Variants in PFAS observed in about 807,000 individuals in gnomAD.
PFAS encodes the protein phosphoribosylformylglycinamidine synthase.
A neutral mutation model predicts 140.6 loss-of-function variants in PFAS; 97 were observed. The ratio of observed to expected loss-of-function variants is 0.69; its 90% CI spans 0.59 to 0.82. The LOEUF (loss-of-function observed/expected upper bound fraction) is 0.82. Among genes scored for constraint, PFAS ranks in the 40% least tolerant of loss-of-function variants. The pLI is 0.00. For missense variants in PFAS, 1,656 were observed against 1,780.2 expected (o/e 0.93, Z 1.26); for synonymous variants, 679 against 718.8 (o/e 0.94, Z 0.88).
intron 1 of PFAS, among the ~76,000 whole-genome samples, chr17:8,253,306 A>G (rs2151575288): frequency 6.6e-6 from 1 of 152,296 alleles, no homozygotes; most frequent in South Asian, 2.1e-4. Flanking sequence ...ACTGGGGCCC[A>G]GCAAAGTGCA....
chr17:8,248,245 AT>A (rs113481309), upstream of PFAS: 41,126 of 434,090 alleles, frequency 0.095, 9 homozygotes, highest in South Asian at 0.15. Context: ...CTTTTCTCTG[AT>A]TTTTTTTTTT....
intron 20 of PFAS, 80 bp downstream of exon 20, chr17:8,265,719 C>T (rs1989786313): frequency 1.4e-6 from 2 of 1,386,656 alleles, no homozygotes; most frequent in South Asian, 1.2e-5. Flanking sequence ...GCTGGGCCCC[C>T]ATCTCAACAC....
At position 8,268,634 on chromosome 17, in the gene PFAS, C is replaced by T; in HGVS notation, c.3484C>T (p.Gln1162Ter). The change falls in exon 27 of 28, where the codon CAA becomes TAA. Residue 1162 changes from glutamine (Q) to a stop codon, truncating the protein, a stop_gained. Transcript: ENST00000314666. LOFTEE classifies it high-confidence loss of function. ...TFSLGVCNGC[Q>*]LLALLGWVGG... is the part of the protein sequence containing the mutation. ...CAGCCTGGGCGTGTGTAATGGCTGT[C>T]AACTGCTGGCTCTGCTCGGCTGGGT... The T allele has an allele frequency of 6.2e-7, 1 of 1,613,816 alleles. No homozygotes were observed. The highest frequency in any genetic ancestry group is 8.5e-7 in the Non-Finnish European group (1 of 1,180,018).
chr17:8,263,010 A>G lies in PFAS; in HGVS notation c.1410+17A>G, dbSNP rs776874591. ...TCTGTGCAGGTGAGTGGGAATTGCTAAAGGTGCAGAATCCTTGATATAACC... is the reference window on the plus strand; with the variant it reads ...TCTGTGCAGGTGAGTGGGAATTGCTGAAGGTGCAGAATCCTTGATATAACC... On this transcript the variant is annotated intron_variant, in intron 12 of 27. Coordinates refer to ENST00000314666, the MANE Select transcript of PFAS (RefSeq NM_012393.3). 2.5e-5 allele frequency: 40 copies of G among 1,612,526 alleles called. No individual in the cohort carries two copies. The highest frequency in any genetic ancestry group is 1.6e-4 in the South Asian group (15 of 91,060).
chr17:8,263,761 C>T lies in PFAS; in HGVS notation c.1630-14C>T, dbSNP rs1324400975. 1.1e-5 allele frequency: 17 copies of T among 1,611,924 alleles called. No homozygotes were observed. The highest frequency in any genetic ancestry group is 9.3e-5 in the African/African-American group (7 of 74,902). On this transcript the variant is annotated splice_polypyrimidine_tract_variant and intron_variant, in intron 14 of 27. Transcript: ENST00000314666. ...CACTGGCCCTTCTCTTTCCTCCCCGCCGTGGCTGTGCAGCTTGGGGACCCA... is the reference window on the plus strand; with the variant it reads ...CACTGGCCCTTCTCTTTCCTCCCCGTCGTGGCTGTGCAGCTTGGGGACCCA...
Position 8,266,002 on chromosome 17 carries a change from C to T in PFAS, c.2686C>T (p.Gln896Ter). 1 of 1,609,038 alleles carries T rather than the reference C, an allele frequency of 6.2e-7. No homozygotes were observed. ...ENLVRAFSIT[Q>*]GLLKDRLLCS... ...CTTGGTGCGGGCCTTCAGCATCACT[C>T]AGGGGCTGCTGAAAGGTGAGTGAAG... Residue 896 changes from glutamine to a stop codon, truncating the protein, a stop_gained, in exon 21 of 28, where the codon CAG becomes TAG. Transcript: ENST00000314666. LOFTEE classifies it high-confidence loss of function. This position sits in a 1 kb window ranked among gnomAD's most constrained non-coding sequence, Gnocchi z 5.0.
At chr17:8,250,292 C>G (rs1433671198) in intron 1 of PFAS, among the ~76,000 whole-genome samples, 2 of 152,152 alleles carry the variant, frequency 1.3e-5, no homozygotes, top group South Asian at 2.1e-4. Flanking sequence ...CCATAATCCA[C>G]TTTATGCTGA....
Position 8,267,548 on chromosome 17 carries a change from C to A in PFAS, c.3268-3C>A. 1 of 1,598,132 alleles carries A rather than the reference C, an allele frequency of 6.3e-7. No homozygotes were observed. Among genetic ancestry groups the A allele is most frequent in the Non-Finnish European group, 8.6e-7 (1 of 1,165,434 alleles). ...CCCACACTCCCCCTCCCCACCTTCG[C>A]AGGTATGGGACGTGACCATGCAGGA... On this transcript the variant is annotated splice_polypyrimidine_tract_variant and splice_region_variant and intron_variant, in intron 25 of 27. Transcript: ENST00000314666. This position sits in a 1 kb window ranked among gnomAD's most constrained non-coding sequence, Gnocchi z 4.9.
Position 8,263,092 on chromosome 17 carries a change from G to GCCATATATGCCCCCA in PFAS, c.1411-16_1411-2dup. On this transcript the variant is annotated splice_polypyrimidine_tract_variant and intron_variant, in intron 12 of 27. Transcript: ENST00000314666. ...TTCCAGTCTCGCTGAGCTGAGCTAT[G>GCCATATATGCCCCCA]CCATATATGCCCCCAGGTGCAGGGA... The GCCATATATGCCCCCA allele has an allele frequency of 1.9e-6, 3 of 1,613,776 alleles. No homozygotes were observed. In the South Asian group the frequency reaches 3.3e-5, roughly 18 times the overall value.
In PFAS at chr17:8,257,857, G is replaced by A; in HGVS notation, c.1126G>A (p.Ala376Thr). The change falls in exon 10 of 28, where the codon GCC becomes ACC. Residue 376 changes from alanine to threonine, a missense_variant. By Grantham distance (58) the Ala-to-Thr change is moderately conservative (BLOSUM62 0). Transcript: ENST00000314666. ...DPSFQYPGNF[A>T]RPLEVAIEAS... ...AAGCTTCCAGTATCCTGGGAATTTTGCCCGGCCCCTGGAGGTTGCCATTGA... is the reference window on the plus strand; with the variant it reads ...AAGCTTCCAGTATCCTGGGAATTTTACCCGGCCCCTGGAGGTTGCCATTGA... 1 of 1,613,994 alleles carries A rather than the reference G, an allele frequency of 6.2e-7. No individual in the cohort carries two copies. Among genetic ancestry groups the A allele is most frequent in the Non-Finnish European group, 8.5e-7 (1 of 1,179,902 alleles).
Position 8,267,297 on chromosome 17 carries a change from G to A in PFAS, c.3175+62G>A, listed in dbSNP as rs896549900. 70 of 1,582,942 alleles carry A rather than the reference G, an allele frequency of 4.4e-5. No homozygotes were observed. The highest frequency in any genetic ancestry group is 5.9e-5 in the Non-Finnish European group (68 of 1,153,268). On this transcript the variant is annotated intron_variant, in intron 24 of 27. Transcript: ENST00000314666. This position sits in a 1 kb window ranked among gnomAD's most constrained non-coding sequence, Gnocchi z 4.9. Reference sequence around the variant, plus strand: ...GCACTGAGCCTGGATGCCTGGGCCTGCCCTCAGAAAGGTGTCTGGGGAGTT... The same window carrying A: ...GCACTGAGCCTGGATGCCTGGGCCTACCCTCAGAAAGGTGTCTGGGGAGTT...
At chr17:8,249,420 G>T (rs1296701282) in intron 1 of PFAS, 81 bp downstream of exon 1, 1 of 152,234 alleles carries the variant, frequency 6.6e-6, no homozygotes, top group Non-Finnish European at 1.5e-5. Flanking sequence ...TGGTCTGGCG[G>T]CTTCAGTATC....
Position 8,265,641 on chromosome 17 carries a change from TA to T in PFAS, c.2545+3del. 6.2e-7 allele frequency: 1 copy of T among 1,611,090 alleles called. No individual in the cohort carries two copies. Among genetic ancestry groups the T allele is most frequent in the Non-Finnish European group, 8.5e-7 (1 of 1,177,372 alleles). ...ACCTCAAGCATCCTGAAGGGAGAGG[TA>T]TGGACATGGCCCCATCCTTTGTGAT... On this transcript the variant is annotated splice_donor_region_variant and intron_variant, in intron 20 of 27. Coordinates refer to ENST00000314666, the MANE Select transcript of PFAS (RefSeq NM_012393.3).
chr17:8,259,111 G>A (rs1316951620), intron 11 of PFAS, among the ~76,000 whole-genome samples: 5 of 143,928 alleles, frequency 3.5e-5, no homozygotes, highest in South Asian at 2.3e-4. Context: ...GCACCACTGC[G>A]ATCGCACCAC....
intron 1 of PFAS, 35 bp from the exon 2 acceptor site, chr17:8,253,824 C>T: frequency 7.0e-7 from 1 of 1,431,802 alleles, no homozygotes; most frequent in South Asian, 1.5e-5. Context: ...CAGATGTGAG[C>T]CACCACGCCC....
Position 8,254,215 on chromosome 17 carries a change from T to G in PFAS, c.192T>G (p.Phe64Leu). Residue 64 changes from phenylalanine to leucine, a missense_variant, in exon 3 of 28, where the codon TTT (phenylalanine) becomes TTG (leucine). Around this residue, in one of 2 missense-constraint regions of PFAS, gnomAD observed 773 missense variants for 757.3 expected, o/e 1.02. Transcript: ENST00000314666. ...AEETKKLMWL[F>L]GCPLLLDDVA... ...AGACAAAGAAGCTGATGTGGCTGTT[T>G]GGTTGCCCCTTACTGCTGGATGATG... 3 of 1,614,184 alleles carry G rather than the reference T, an allele frequency of 1.9e-6. No individual in the cohort carries two copies. Among genetic ancestry groups the G allele is most frequent in the Non-Finnish European group, 1.7e-6 (2 of 1,180,034 alleles).
chr17:8,258,526 C>T (rs1443395158), intron 11 of PFAS, among the ~76,000 whole-genome samples: 1 of 152,092 alleles, frequency 6.6e-6, no homozygotes, highest in African/African-American at 2.4e-5. Flanking sequence ...ATAAAATAAG[C>T]ACAAGAGAAA....
chr17:8,263,384 C>A (rs1472605723), intron 13 of PFAS, 119 bp downstream of exon 13: 2 of 1,175,566 alleles, frequency 1.7e-6, no homozygotes, highest in Non-Finnish European at 2.5e-6. Flanking sequence ...ATTCTCCATG[C>A]TCTGTACATT....
At chr17:8,252,414 T>C (rs1597414269) in intron 1 of PFAS, among the ~76,000 whole-genome samples, 1 of 152,166 alleles carries the variant, frequency 6.6e-6, no homozygotes, top group Non-Finnish European at 1.5e-5. Context: ...TTGTTTTTGT[T>C]TGTTTTGAGA....
Sources: gnomAD v4.1 joint callset for allele counts (sites outside exome capture counted in the v4.1 genomes callset) on GRCh38, gnomAD v4.1.1 for gene constraint, gnomAD v4.1.1 regional missense constraint, Gnocchi (gnomAD v3.1) non-coding constraint, MANE v1.5 for transcripts, NCBI Gene and HGNC (gene_info 2026-07-23, HGNC 2026-07-21) for gene names.